The following UBA2 variants were observed in gnomAD, a reference collection of about 807,000 sequenced individuals.
UBA2 encodes the protein SUMO-activating enzyme subunit 2.
UBA2 carries 11 observed loss-of-function variants against 77.2 expected under a neutral mutation model. That is an observed-to-expected ratio of 0.14 (90% CI 0.09 to 0.24). UBA2 has a LOEUF of 0.24. Among genes scored for constraint, UBA2 ranks in the 10% least tolerant of loss-of-function variants. The pLI is 1.00. For missense variants in UBA2, 487 were observed against 781.7 expected, an observed-to-expected ratio of 0.62 and a Z score of 4.50; for synonymous variants, 278 against 276.7, an observed-to-expected ratio of 1.00 and a Z score of -0.05.
rs139709624 is a variant in UBA2 at position 34,454,917 on chromosome 19, T to C, written c.1245+361T>C. Among the ~76,000 whole-genome samples, 108 of 152,372 alleles carry C rather than the reference T, an allele frequency of 7.1e-4. 1 individual carries two copies. The East Asian group carries it at 0.018, about 25-fold the overall frequency. On this transcript the variant is annotated intron_variant, in intron 12 of 16. Transcript: ENST00000246548. The stretch of plus-strand genomic sequence containing the variant: ...AGTCCCCTGTTCAGTCATTCTCCTA[T>C]TGAGTCATTCTTTTCAATTTTATTG...
At chr19:34,465,637 G>GAAA (rs11369547) in intron 15 of UBA2, among the ~76,000 whole-genome samples, 15 of 139,800 alleles carry the variant, frequency 1.1e-4, no homozygotes, top group Non-Finnish European at 1.7e-4. Flanking sequence ...CTCCATGTCA[G>GAAA]AAAAAAAAAA....
chr19:34,428,755 G>A, intron 1 of UBA2, 185 bp downstream of exon 1: 2 of 1,137,284 alleles, frequency 1.8e-6, no homozygotes, highest in Admixed American at 4.4e-5. Context: ...CTTTGGGCAC[G>A]GGGCGGGCCT....
chr19:34,442,002 A>C (rs956937411), intron 6 of UBA2, among the ~76,000 whole-genome samples: 1 of 152,118 alleles, frequency 6.6e-6, no homozygotes, highest in Non-Finnish European at 1.5e-5. Context: ...TAGGAGGCCA[A>C]GGCAGGAGGA....
intron 12 of UBA2, among the ~76,000 whole-genome samples, chr19:34,458,372 G>A (rs1162570580): frequency 6.6e-6 from 1 of 151,556 alleles, no homozygotes; most frequent in Non-Finnish European, 1.5e-5. Context: ...TGGCTAACAC[G>A]GTGAAACCCC....
At chr19:34,452,944 CT>C (rs995102043) in intron 10 of UBA2, among the ~76,000 whole-genome samples, 1 of 152,056 alleles carries the variant, frequency 6.6e-6, no homozygotes, top group Admixed American at 6.6e-5. Context: ...TAAAGGGTAA[CT>C]TTTCATATTT....
intron 7 of UBA2, 132 bp from the exon 8 acceptor site, chr19:34,444,868 A>C: frequency 1.1e-6 from 1 of 898,860 alleles, no homozygotes; most frequent in Non-Finnish European, 1.7e-6. Context: ...TTATTTTCTT[A>C]TTCCTTGAAC....
chr19:34,438,282 A>C (rs1428129644), intron 5 of UBA2, among the ~76,000 whole-genome samples: 3 of 151,800 alleles, frequency 2.0e-5, no homozygotes, highest in Non-Finnish European at 4.4e-5. Flanking sequence ...TAACATTTAC[A>C]ACTTTGAGAA....
chr19:34,452,168 G>A (rs1477543169), intron 10 of UBA2, 21 bp downstream of exon 10: 1 of 1,555,836 alleles, frequency 6.4e-7, no homozygotes, highest in South Asian at 1.2e-5. Flanking sequence ...ACAATGTGTG[G>A]CAAGTACTTA....
rs1028146586 is a variant in UBA2 at position 34,469,744 on chromosome 19, T to C, written c.*523T>C. 6.6e-6 allele frequency: 1 copy of C among 152,596 alleles called. No individual in the cohort carries two copies. Among genetic ancestry groups the C allele is most frequent in the African/African-American group, 2.4e-5 (1 of 41,440 alleles). The allele number at this position is 152,596 out of a possible 1,614,324, so 9.5% of individuals were successfully genotyped here. ...GTAAAACAATGTTAATTTACTCAAGTTTTCAGTTTGTACCGCCTGGTATGT... is the reference window on the plus strand; with the variant it reads ...GTAAAACAATGTTAATTTACTCAAGCTTTCAGTTTGTACCGCCTGGTATGT... On this transcript the variant is annotated 3_prime_UTR_variant, in exon 17 of 17. Coordinates refer to ENST00000246548, the MANE Select transcript of UBA2 (RefSeq NM_005499.3).
chr19:34,432,118 G>A (rs2075262858), intron 3 of UBA2, 187 bp downstream of exon 3: 2 of 429,266 alleles, frequency 4.7e-6, no homozygotes, highest in African/African-American at 2.0e-5. Flanking sequence ...GATTTAGAAT[G>A]GTGAGATAGT....
intron 7 of UBA2, among the ~76,000 whole-genome samples, chr19:34,444,544 C>T (rs563243566): frequency 2.0e-5 from 3 of 152,288 alleles, no homozygotes; most frequent in South Asian, 4.1e-4. Context: ...AGGTGGCTCA[C>T]GCCCGTAGTC....
chr19:34,447,459 G>A (rs1303432413), intron 8 of UBA2, among the ~76,000 whole-genome samples: 1 of 152,210 alleles, frequency 6.6e-6, no homozygotes, highest in Non-Finnish European at 1.5e-5. Flanking sequence ...ACTTCGATAT[G>A]GTCAACAGCA....
intron 8 of UBA2, among the ~76,000 whole-genome samples, chr19:34,449,882 A>G (rs1239443384): frequency 6.6e-6 from 1 of 152,214 alleles, no homozygotes; most frequent in African/African-American, 2.4e-5. Context: ...CCCTAGGCTC[A>G]GTGATTGTCT....
chr19:34,451,934 A>C, intron 9 of UBA2, 47 bp from the exon 10 acceptor site: 4 of 1,100,656 alleles, frequency 3.6e-6, no homozygotes, highest in Non-Finnish European at 5.1e-6. Context: ...CAGTAGAGGA[A>C]TGATGTTAAT....
chr19:34,443,777 A>C, intron 6 of UBA2, 67 bp from the exon 7 acceptor site: 1 of 1,080,334 alleles, frequency 9.3e-7, no homozygotes, highest in East Asian at 2.4e-5. Context: ...TATTTGGAAT[A>C]TTCTAAATTA....
chr19:34,455,805 G>C (rs982581335), intron 12 of UBA2, among the ~76,000 whole-genome samples: 1 of 152,014 alleles, frequency 6.6e-6, no homozygotes. Flanking sequence ...CACCATGCCG[G>C]CTAATTTTTG....
chr19:34,434,807 C>T (rs758869690), intron 4 of UBA2, 61 bp from the exon 5 acceptor site: 4 of 1,288,396 alleles, frequency 3.1e-6, no homozygotes, highest in Non-Finnish European at 4.4e-6. Flanking sequence ...CTGTGTCATC[C>T]TAATTAAAGA....
intron 5 of UBA2, among the ~76,000 whole-genome samples, chr19:34,437,884 GTC>G (rs1447192802): frequency 6.6e-6 from 1 of 151,762 alleles, no homozygotes; most frequent in African/African-American, 2.4e-5. Context: ...GAAAAACCCC[GTC>G]TCTACTAAAA....
intron 9 of UBA2, among the ~76,000 whole-genome samples, chr19:34,450,769 G>C (rs1306409753): frequency 2.7e-5 from 2 of 74,330 alleles, no homozygotes. Flanking sequence ...TTTTTTTTGA[G>C]ACCGTGTCTC....
Sources: allele counts gnomAD v4.1 joint callset (sites outside exome capture counted in the v4.1 genomes callset), GRCh38; gene constraint gnomAD v4.1.1; transcripts MANE v1.5; gene names NCBI Gene and HGNC (gene_info 2026-07-23, HGNC 2026-07-21).